The following FGD1 variants were observed in gnomAD, a reference collection of about 807,000 sequenced individuals.
FGD1 encodes the protein FYVE, RhoGEF and PH domain-containing protein 1.
In FGD1, 12 loss-of-function variants were observed where a neutral mutation model predicts 65.0. The ratio of observed to expected loss-of-function variants is 0.18; its 90% CI spans 0.12 to 0.30. The LOEUF (loss-of-function observed/expected upper bound fraction) is 0.30. Ranked by LOEUF, FGD1 falls within the 10% of genes least tolerant of loss-of-function variation. The pLI is 1.00. For synonymous variants in FGD1, 333 were observed against 343.9 expected (o/e 0.97, Z 0.35); for missense variants, 542 against 837.6 (o/e 0.65, Z 4.36).
intron 8 of FGD1, among the ~76,000 whole-genome samples, chrX:54,463,025 A>G (rs963850727): frequency 1.8e-5 from 2 of 110,641 alleles, no homozygotes; most frequent in Non-Finnish European, 3.8e-5. Context: ...AGCCTCCAAA[A>G]GTGCTGGGAT....
chrX:54,451,172 C>G (rs1922368296), intron 12 of FGD1, among the ~76,000 whole-genome samples: 1 of 111,337 alleles, frequency 9.0e-6, no homozygotes, highest in Non-Finnish European at 1.9e-5. Flanking sequence ...ACCGAGGTAA[C>G]GTGTACAGTG....
intron 1 of FGD1, among the ~76,000 whole-genome samples, chrX:54,481,486 C>T (rs1205153760): frequency 2.0e-5 from 2 of 97,945 alleles, no homozygotes; most frequent in Non-Finnish European, 4.1e-5. Context: ...GAGCTATTAC[C>T]CATTTTACAG....
At position 54,449,752 on chromosome X, in the gene FGD1, G is replaced by A. The variant is rs775415679; in HGVS notation, c.2055C>T (p.Asn685=). 2 of 1,192,069 alleles carry A rather than the reference G, an allele frequency of 1.7e-6. No individual in the cohort carries two copies. Among genetic ancestry groups the A allele is most frequent in the South Asian group, 3.5e-5 (2 of 56,474 alleles). Reference sequence around the variant, plus strand: ...TCTGTTCATGCTTCAGGAGGGTGGAGTTGATGGCCTGGGGAGGAGGTGTAA... The same window carrying A: ...TCTGTTCATGCTTCAGGAGGGTGGAATTGATGGCCTGGGGAGGAGGTGTAA... The part of the protein sequence containing the change: ...EEKKDWVQAI[N]STLLKHEQTL... Residue 685 remains asparagine (N), a synonymous_variant, in exon 14 of 18, where the codon AAC becomes AAT. Transcript: ENST00000375135.
chrX:54,489,087 G>C (rs781474696), intron 1 of FGD1, among the ~76,000 whole-genome samples: 1 of 112,275 alleles, frequency 8.9e-6, no homozygotes, highest in Non-Finnish European at 1.9e-5. Flanking sequence ...CACAGCAAAA[G>C]AAACTATCAA....
At chrX:54,492,695 CTTAATT>C (rs1475980938) in intron 1 of FGD1, among the ~76,000 whole-genome samples, 2 of 111,785 alleles carry the variant, frequency 1.8e-5, no homozygotes, top group Non-Finnish European at 3.8e-5. Flanking sequence ...TATTTTTTAA[CTTAATT>C]TTATTTTTTT....
intron 1 of FGD1, among the ~76,000 whole-genome samples, chrX:54,474,505 A>C (rs1922974263): frequency 8.9e-6 from 1 of 112,350 alleles, no homozygotes; most frequent in Non-Finnish European, 1.9e-5. Flanking sequence ...CCCCAGGCCG[A>C]GCGCCCCTCC....
rs2285134 is a variant in FGD1, at chrX:54,470,873, G to A, written c.482-113C>T. On this transcript the variant is annotated intron_variant, in intron 2 of 17. Transcript: ENST00000375135. ...AAAATACAAAAATTAGCTGGGCATGGTGGCACGTGCCTGTAGTCCCAGCTA... is the reference window on the plus strand; with the variant it reads ...AAAATACAAAAATTAGCTGGGCATGATGGCACGTGCCTGTAGTCCCAGCTA... 0.11 allele frequency: 51,604 copies of A among 452,559 alleles called. 3,866 individuals are homozygous for A. The highest frequency in any genetic ancestry group is 0.51 in the East Asian group (13,604 of 26,553). The allele number at this position is 452,559 out of a possible 1,213,427, so 37.3% of individuals were successfully genotyped here. A position where few individuals can be genotyped will look rare whatever the true frequency, so the allele number is the denominator to read the frequency against.
chrX:54,447,322 C>T lies in FGD1; in HGVS notation c.2569G>A (p.Gly857Arg), dbSNP rs769308984. ...ENEPLVLYIY[G>R]APQDVKAQRS... ...AGTAGGATGCATACCTGAGGGGCTC[C>T]GTAGATATACAGCACCAAGGGTTCA... Residue 857 changes from glycine (G) to arginine (R), a missense_variant, in exon 17 of 18, where the codon GGA becomes AGA. By Grantham distance (125) the Gly-to-Arg change is moderately radical. Transcript: ENST00000375135. 1.2e-5 allele frequency: 15 copies of T among 1,210,466 alleles called. No individual in the cohort carries two copies. Among genetic ancestry groups the T allele is most frequent in the South Asian group, 1.8e-5 (1 of 56,804 alleles).
chrX:54,470,511 C>T (rs1268262860), intron 3 of FGD1, 54 bp from the exon 4 acceptor site: 30 of 1,170,063 alleles, frequency 2.6e-5, no homozygotes, highest in Non-Finnish European at 3.5e-5. Context: ...GACTGAGAGG[C>T]CTCTCCTGAC....
chrX:54,485,261 G>A (rs969642511), intron 1 of FGD1, among the ~76,000 whole-genome samples: 1 of 110,818 alleles, frequency 9.0e-6, no homozygotes, highest in Admixed American at 9.7e-5. Context: ...ATCCCCTCCT[G>A]TCCCAAGCCC....
chrX:54,476,029 C>G (rs1923009877), intron 1 of FGD1, among the ~76,000 whole-genome samples: 2 of 111,975 alleles, frequency 1.8e-5, no homozygotes, highest in Non-Finnish European at 3.8e-5. Context: ...CGCACCATTG[C>G]ACTCCAGCCT....
intron 17 of FGD1, among the ~76,000 whole-genome samples, chrX:54,446,721 C>CTTTTTT (rs1226487472): frequency 1.1e-5 from 1 of 87,669 alleles, no homozygotes; most frequent in African/African-American, 4.3e-5. Context: ...TATCTGCATA[C>CTTTTTT]TTTTTTTTTT....
At chrX:54,478,483 C>T (rs1181353255) in intron 1 of FGD1, among the ~76,000 whole-genome samples, 1 of 110,639 alleles carries the variant, frequency 9.0e-6, no homozygotes, top group Non-Finnish European at 1.9e-5. Context: ...CTGAACTGCA[C>T]GGATTGAACT....
At chrX:54,476,230 A>C (rs1328985860) in intron 1 of FGD1, among the ~76,000 whole-genome samples, 1 of 110,876 alleles carries the variant, frequency 9.0e-6, no homozygotes, top group African/African-American at 3.3e-5. Context: ...GGAGATGAGA[A>C]AATCCCATCC....
Position 54,471,343 on chromosome X carries a change from A to G in FGD1, c.452T>C (p.Leu151Pro), listed in dbSNP as rs1374555828. 8.3e-7 allele frequency: 1 copy of G among 1,210,535 alleles called. No individual in the cohort carries two copies. The highest frequency in any genetic ancestry group is 1.1e-6 in the Non-Finnish European group (1 of 895,442). Residue 151 changes from leucine (L) to proline (P), a missense_variant, in exon 2 of 18, where the codon CTG becomes CCG. Transcript: ENST00000375135. ...TETPSQRPSP[L>P]KRAPGPKPQV... ...TGGCTTCGGGCCCGGTGCCCGCTTC[A>G]GTGGTGAAGGACGCTGGCTAGGGGT...
At chrX:54,456,852 C>T (rs1922515196) in intron 8 of FGD1, among the ~76,000 whole-genome samples, 1 of 110,300 alleles carries the variant, frequency 9.1e-6, no homozygotes, top group Non-Finnish European at 1.9e-5. Context: ...AGGCTGGTCT[C>T]GAACTCCTGA....
intron 1 of FGD1, 139 bp downstream of exon 1, chrX:54,494,987 G>A (rs1923494802): frequency 6.9e-6 from 4 of 576,998 alleles, no homozygotes; most frequent in Non-Finnish European, 1.1e-5. Flanking sequence ...TGGGGAGGAG[G>A]AGGGGTTTGA....
At position 54,446,075 on chromosome X, in the gene FGD1, G is replaced by A. The variant is rs2147418838; in HGVS notation, c.*34C>T. On this transcript the variant is annotated 3_prime_UTR_variant, in exon 18 of 18. Transcript: ENST00000375135. Reference sequence around the variant, plus strand: ...CCAATCAGACATGGGCAACTAGAGTGTGGGGTGGGGGCTCCCAGTTTGTCC... The same window carrying A: ...CCAATCAGACATGGGCAACTAGAGTATGGGGTGGGGGCTCCCAGTTTGTCC... 8.9e-7 allele frequency: 1 copy of A among 1,129,113 alleles called. No homozygotes were observed. Among genetic ancestry groups the A allele is most frequent in the East Asian group, 3.0e-5 (1 of 33,266 alleles). The allele number at this position is 1,129,113 out of a possible 1,213,427, so 93.1% of individuals were successfully genotyped here.
intron 13 of FGD1, 94 bp from the exon 14 acceptor site, chrX:54,449,854 T>G (rs191379839): frequency 7.8e-6 from 5 of 644,554 alleles, no homozygotes; most frequent in Middle Eastern, 6.6e-4. Flanking sequence ...AGCCTGAAGT[T>G]AGAAAAGCTG....
Sources: allele counts gnomAD v4.1 joint callset (sites outside exome capture counted in the v4.1 genomes callset), GRCh38; gene constraint gnomAD v4.1.1; transcripts MANE v1.5; gene names NCBI Gene and HGNC (gene_info 2026-07-23, HGNC 2026-07-21).